Variants in TRAPPC8 observed in about 807,000 individuals in gnomAD.
TRAPPC8 encodes the protein general sporulation gene 1 homolog.
In TRAPPC8, 54 loss-of-function variants were observed where a neutral mutation model predicts 174.3. That is an observed-to-expected ratio of 0.31 (90% CI 0.25 to 0.39). The LOEUF is 0.39. TRAPPC8 is among the 10% of genes least tolerant of loss of function. The pLI, the probability that TRAPPC8 is intolerant of heterozygous loss-of-function variation, is 1.00. For missense variants in TRAPPC8, 1,531 were observed against 1,699.1 expected, an observed-to-expected ratio of 0.90 and a Z score of 1.74; for synonymous variants, 630 against 579.9, an observed-to-expected ratio of 1.09 and a Z score of -1.24.
At chr18:31,936,007 G>C (rs1315020724) in intron 1 of TRAPPC8, among the ~76,000 whole-genome samples, 1 of 151,782 alleles carries the variant, frequency 6.6e-6, no homozygotes, top group African/African-American at 2.4e-5. Flanking sequence ...AAAGTGCTGG[G>C]ATTACAGGCG....
In TRAPPC8 at chr18:31,904,647, AG is replaced by A. The variant is rs2036583967; in HGVS notation, c.1389+2812del. On this transcript the variant is annotated intron_variant, in intron 9 of 28. Coordinates refer to ENST00000283351, the MANE Select transcript of TRAPPC8 (RefSeq NM_014939.5). Reference sequence around the variant, plus strand: ...TATTTTAGAATGCCTCTGTATCCTCAGCACTCAGCAGTATCTGCTCTAAAAT... The same window carrying A: ...TATTTTAGAATGCCTCTGTATCCTCACACTCAGCAGTATCTGCTCTAAAAT... Among the ~76,000 whole-genome samples the A allele has an allele frequency of 5.9e-5, 9 of 152,248 alleles. No homozygotes were observed. The South Asian group carries it at 1.9e-3, about 31-fold the overall frequency.
intron 2 of TRAPPC8, among the ~76,000 whole-genome samples, chr18:31,924,314 C>T (rs1047003528): frequency 4.7e-5 from 7 of 150,002 alleles, no homozygotes; most frequent in Admixed American, 4.7e-4. Context: ...ATTAGTTGGG[C>T]GTCGTGGTGG....
At chr18:31,915,595 T>C (rs1032913263) in intron 4 of TRAPPC8, among the ~76,000 whole-genome samples, 1 of 150,208 alleles carries the variant, frequency 6.7e-6, no homozygotes, top group Admixed American at 6.6e-5. Flanking sequence ...ACCCTATCTC[T>C]ACTAAAAATA....
intron 12 of TRAPPC8, among the ~76,000 whole-genome samples, chr18:31,880,796 C>T (rs1199032290): frequency 1.3e-5 from 2 of 152,068 alleles, no homozygotes; most frequent in Non-Finnish European, 2.9e-5. Context: ...GGATAAATGA[C>T]TTCAGCAGTT....
rs975557168 is a variant in TRAPPC8 at position 31,849,435 on chromosome 18, C to T, written c.3735+131G>A. ...TTTTAGGCCAAAAAAAAATATGTAA[C>T]TGTTAAAGTTTCAATATTGAAACTA... is the stretch of plus-strand genomic sequence containing the variant. On this transcript the variant is annotated intron_variant, in intron 25 of 28. Coordinates refer to ENST00000283351, the MANE Select transcript of TRAPPC8 (RefSeq NM_014939.5). 58 of 781,072 alleles carry T rather than the reference C, an allele frequency of 7.4e-5. No homozygotes were observed. The African/African-American group carries it at 9.8e-4, about 13-fold the overall frequency. The allele number at this position is 781,072 out of a possible 1,614,324, so 48.4% of individuals were successfully genotyped here.
At chr18:31,880,308 T>C (rs1042255353) in intron 12 of TRAPPC8, among the ~76,000 whole-genome samples, 8 of 151,172 alleles carry the variant, frequency 5.3e-5, no homozygotes, top group African/African-American at 1.9e-4. Context: ...TTAATCACAA[T>C]CCAGTGGGTT....
At chr18:31,873,845 A>C (rs1490276233) in intron 13 of TRAPPC8, 1 of 228,754 alleles carries the variant, frequency 4.4e-6, no homozygotes, top group African/African-American at 2.3e-5. Flanking sequence ...TATCTGCCAA[A>C]ATTCTAACCC....
At chr18:31,851,510 GCT>G (rs2033700397) in intron 24 of TRAPPC8, among the ~76,000 whole-genome samples, 1 of 148,632 alleles carries the variant, frequency 6.7e-6, no homozygotes, top group African/African-American at 2.4e-5. Flanking sequence ...GTTCTAGGAG[GCT>G]CTTTTTTTTT....
intron 25 of TRAPPC8, among the ~76,000 whole-genome samples, 161 bp from the exon 26 acceptor site, chr18:31,846,978 C>A (rs943047556): frequency 2.0e-5 from 3 of 152,172 alleles, no homozygotes; most frequent in Non-Finnish European, 4.4e-5. Flanking sequence ...TTCATTCAAT[C>A]AATAAAGTAT....
At chr18:31,833,597 A>G (rs1057314005) in intron 27 of TRAPPC8, among the ~76,000 whole-genome samples, 4 of 152,116 alleles carry the variant, frequency 2.6e-5, no homozygotes, top group Non-Finnish European at 5.9e-5. Context: ...TTCTTTAACC[A>G]TGTTTCTCAC....
In TRAPPC8 at chr18:31,908,512, T is replaced by C. The variant is rs983053491; in HGVS notation, c.1123-94A>G. 5 of 947,850 alleles carry C rather than the reference T, an allele frequency of 5.3e-6. No individual in the cohort carries two copies. In the African/African-American group the frequency reaches 6.8e-5, roughly 13 times the overall value. 58.7% of individuals were successfully genotyped at this position (947,850 alleles called of 1,614,324 possible). ...TTAACTAAAAAGCTTTAATAGCAAA[T>C]GTTCATTTTAATAAAACTGATTTAA... On this transcript the variant is annotated intron_variant, in intron 7 of 28. Coordinates refer to ENST00000283351, the MANE Select transcript of TRAPPC8 (RefSeq NM_014939.5).
intron 12 of TRAPPC8, among the ~76,000 whole-genome samples, chr18:31,885,200 G>A (rs546171239): frequency 1.0e-3 from 155 of 152,202 alleles, no homozygotes; most frequent in Non-Finnish European, 1.6e-3. Flanking sequence ...TTGATTAAGC[G>A]ATAAATAAAA....
At chr18:31,843,355 A>G (rs1276135020) in intron 26 of TRAPPC8, among the ~76,000 whole-genome samples, 1 of 152,218 alleles carries the variant, frequency 6.6e-6, no homozygotes, top group Non-Finnish European at 1.5e-5. Context: ...TAGTAAATGC[A>G]TAACATAAGC....
intron 1 of TRAPPC8, among the ~76,000 whole-genome samples, chr18:31,935,039 A>T (rs2038021758): frequency 6.6e-6 from 1 of 151,912 alleles, no homozygotes; most frequent in Non-Finnish European, 1.5e-5. Flanking sequence ...CCAGCATATA[A>T]AACTGTACAA....
intron 1 of TRAPPC8, among the ~76,000 whole-genome samples, chr18:31,932,139 A>C (rs770866512): frequency 3.3e-5 from 5 of 152,198 alleles, no homozygotes; most frequent in Non-Finnish European, 5.9e-5. Context: ...TACTTAAAAA[A>C]AAAACTCTGG....
chr18:31,854,663 T>G (rs1264144508), intron 21 of TRAPPC8, among the ~76,000 whole-genome samples: 1 of 152,074 alleles, frequency 6.6e-6, no homozygotes, highest in South Asian at 2.1e-4. Context: ...GATCACACTC[T>G]CATCTTTGAG....
Position 31,908,903 on chromosome 18 carries a change from G to A in TRAPPC8, c.973C>T (p.His325Tyr), listed in dbSNP as rs1234160884. The part of the protein sequence containing the change: ...PDHLRSASSL[H>Y]ETKKGNTGII... ...CCAGTATTTCCTTTCTTTGTTTCAT[G>A]TAACGATGAAGCAGATCTTAGATGA... Residue 325 changes from histidine (H) to tyrosine (Y), a missense_variant, in exon 7 of 29, where the codon CAT becomes TAT. By Grantham distance (83) the His-to-Tyr change is moderately conservative. Transcript: ENST00000283351. The A allele has an allele frequency of 6.2e-7, 1 of 1,613,692 alleles. No homozygotes were observed. The highest frequency in any genetic ancestry group is 2.2e-5 in the East Asian group (1 of 44,850).
chr18:31,913,284 A>G (rs2036995676), intron 5 of TRAPPC8, 85 bp downstream of exon 5: 4 of 1,390,392 alleles, frequency 2.9e-6, no homozygotes, highest in Non-Finnish European at 3.9e-6. Flanking sequence ...CACACAATTA[A>G]TATGAATAAT....
intron 12 of TRAPPC8, among the ~76,000 whole-genome samples, chr18:31,877,290 A>C (rs2035203253): frequency 6.6e-6 from 1 of 152,118 alleles, no homozygotes; most frequent in South Asian, 2.1e-4. Flanking sequence ...AGCACTTTTC[A>C]TGCTTTTTGT....
Sources: gnomAD v4.1 joint callset for allele counts (sites outside exome capture counted in the v4.1 genomes callset) on GRCh38, gnomAD v4.1.1 for gene constraint, MANE v1.5 for transcripts, NCBI Gene and HGNC (gene_info 2026-07-23, HGNC 2026-07-21) for gene names.